RNF144A: variants seen among roughly 807,000 people sequenced by gnomAD.
The protein encoded by RNF144A is E3 ubiquitin-protein ligase RNF144A.
A neutral mutation model predicts 38.7 loss-of-function variants in RNF144A; 11 were observed. The ratio of observed to expected loss-of-function variants is 0.28; its 90% CI spans 0.18 to 0.47. The LOEUF (loss-of-function observed/expected upper bound fraction) is 0.47, where lower values mean the gene tolerates loss of function less well. Ranked by LOEUF, RNF144A falls within the 20% of genes least tolerant of loss-of-function variation. The pLI is 0.99. For synonymous variants in RNF144A, 149 were observed against 143.9 expected, an observed-to-expected ratio of 1.04 and a Z score of -0.25; for missense variants, 316 against 377.2, an observed-to-expected ratio of 0.84 and a Z score of 1.34.
intron 2 of RNF144A, among the ~76,000 whole-genome samples, chr2:6,973,057 T>C (rs1469666170): frequency 6.6e-6 from 1 of 152,198 alleles, no homozygotes; most frequent in Admixed American, 6.5e-5. Context: ...TTTTCTTATC[T>C]ATGAAATGGG....
chr2:6,936,296 T>C (rs1429173470), intron 1 of RNF144A, among the ~76,000 whole-genome samples: 1 of 152,224 alleles, frequency 6.6e-6, no homozygotes, highest in Non-Finnish European at 1.5e-5. Flanking sequence ...ACTGATGGCA[T>C]ATATATACAC....
chr2:7,046,171 C>G (rs911474388), downstream of RNF144A, among the ~76,000 whole-genome samples: 2 of 152,138 alleles, frequency 1.3e-5, no homozygotes. Context: ...TGATGTGGCT[C>G]GACCACAAGA....
chr2:7,009,465 A>C (rs1394861913), intron 3 of RNF144A, among the ~76,000 whole-genome samples: 1 of 151,672 alleles, frequency 6.6e-6, no homozygotes, highest in Non-Finnish European at 1.5e-5. Context: ...GCGGGTCTAA[A>C]GGCTCGACAG....
At chr2:7,057,073 G>T (rs1202840909) in intron 6 of RNF144A, among the ~76,000 whole-genome samples, 3 of 152,188 alleles carry the variant, frequency 2.0e-5, no homozygotes, top group Non-Finnish European at 4.4e-5. Context: ...TCAACAGGAG[G>T]TGAGAAGGGA....
chr2:7,020,898 G>T, intron 6 of RNF144A: 1 of 572,388 alleles, frequency 1.7e-6, no homozygotes, highest in Non-Finnish European at 3.1e-6. Flanking sequence ...TGAGGCCCTG[G>T]AAATAGAAAG....
intron 2 of RNF144A, among the ~76,000 whole-genome samples, chr2:6,988,147 T>G (rs967670670): frequency 2.1e-4 from 32 of 152,234 alleles, no homozygotes; most frequent in Admixed American, 1.9e-3. Flanking sequence ...TAGTTTTAGA[T>G]ACAGATTTAG....
At chr2:6,947,630 T>C (rs895757680) in intron 2 of RNF144A, among the ~76,000 whole-genome samples, 26 of 152,202 alleles carry the variant, frequency 1.7e-4, no homozygotes, top group Non-Finnish European at 3.5e-4. Flanking sequence ...TTTCAGTGAT[T>C]TGTAGTTCTA....
chr2:6,922,546 C>T (rs1247413322), intron 1 of RNF144A, among the ~76,000 whole-genome samples: 3 of 151,784 alleles, frequency 2.0e-5, no homozygotes. Flanking sequence ...CTCTGGAGGG[C>T]AGAGGAGTGC....
Position 7,043,610 on chromosome 2 carries a change from T to A in RNF144A, c.*3850T>A. 1 of 985,758 alleles carries A rather than the reference T, an allele frequency of 1.0e-6. No homozygotes were observed. Among genetic ancestry groups the A allele is most frequent in the Non-Finnish European group, 1.2e-6 (1 of 829,820 alleles). 61.1% of individuals were successfully genotyped at this position (985,758 alleles called of 1,614,324 possible). ...ATGAAAATAAACAAAATGAAGGGAT[T>A]ATGACAGGTATTACCAAAAACACCA... is the stretch of plus-strand genomic sequence containing the variant. On this transcript the variant is annotated 3_prime_UTR_variant, in exon 9 of 9. Coordinates refer to ENST00000320892, the MANE Select transcript of RNF144A (RefSeq NM_014746.6).
chr2:7,018,109 A>T (rs1229319610), intron 5 of RNF144A, among the ~76,000 whole-genome samples: 1 of 152,054 alleles, frequency 6.6e-6, no homozygotes, highest in Non-Finnish European at 1.5e-5. Context: ...GCATGAAGAG[A>T]CCGAGACCCA....
At chr2:6,933,106 A>C (rs1241999353) in intron 1 of RNF144A, 1 of 152,254 alleles carries the variant, frequency 6.6e-6, no homozygotes, top group Non-Finnish European at 1.5e-5. Context: ...TGCTTTTTGA[A>C]ATACTAACTT....
the RNF144A span, among the ~76,000 whole-genome samples, chr2:7,073,843 C>CCCT: frequency 6.6e-6 from 1 of 152,260 alleles, no homozygotes; most frequent in East Asian, 1.9e-4. Context: ...TCAACCCAGG[C>CCCT]CCTCCATCTG....
Position 6,944,062 on chromosome 2 carries a change from G to A in RNF144A, c.-12+2915G>A, listed in dbSNP as rs1453188270. Reference sequence around the variant, plus strand: ...GAGGGACACAGTGAAAGAATGGCTGGAATTGGTATTGTGTGCCAGGGAGAG... The same window carrying A: ...GAGGGACACAGTGAAAGAATGGCTGAAATTGGTATTGTGTGCCAGGGAGAG... On this transcript the variant is annotated intron_variant, in intron 2 of 8. Coordinates refer to ENST00000320892, the MANE Select transcript of RNF144A (RefSeq NM_014746.6). This position sits in a 1 kb window ranked among gnomAD's most constrained non-coding sequence, Gnocchi z 4.7. Among the ~76,000 whole-genome samples, 1 of 152,148 alleles carries A rather than the reference G, an allele frequency of 6.6e-6. No homozygotes were observed. The highest frequency in any genetic ancestry group is 2.4e-5 in the African/African-American group (1 of 41,426).
intron 6 of RNF144A, among the ~76,000 whole-genome samples, chr2:7,056,018 G>A (rs1673725707): frequency 6.6e-6 from 1 of 152,148 alleles, no homozygotes; most frequent in South Asian, 2.1e-4. Flanking sequence ...CAGAAGACTA[G>A]GTAAAGGCTT....
At chr2:7,074,773 A>T in the RNF144A span, 1 of 153,942 alleles carries the variant, frequency 6.5e-6, no homozygotes, top group African/African-American at 2.4e-5. Flanking sequence ...GAAAGGAAGA[A>T]AAAAAGGAAG....
chr2:6,980,432 G>C (rs947256463), intron 2 of RNF144A, among the ~76,000 whole-genome samples: 2 of 152,264 alleles, frequency 1.3e-5, no homozygotes, highest in African/African-American at 4.8e-5. Context: ...ATTTCAAATG[G>C]GAGAACTTGG....
At chr2:7,076,009 T>A in the RNF144A span, among the ~76,000 whole-genome samples, 3 of 152,238 alleles carry the variant, frequency 2.0e-5, no homozygotes, top group East Asian at 5.8e-4. Context: ...ATAACTATAA[T>A]TATTGCATCA....
downstream of RNF144A, among the ~76,000 whole-genome samples, chr2:7,048,967 C>T (rs538450637): frequency 1.3e-5 from 2 of 152,298 alleles, no homozygotes; most frequent in East Asian, 3.9e-4. Flanking sequence ...GCAAAGCCTC[C>T]TAGTCCCTCC....
Position 6,941,113 on chromosome 2 carries a change from G to A in RNF144A, c.-46G>A, listed in dbSNP as rs1018319265. On this transcript the variant is annotated 5_prime_UTR_variant, in exon 2 of 9. Coordinates refer to ENST00000320892, the MANE Select transcript of RNF144A (RefSeq NM_014746.6). The surrounding 1 kb of genome is among the most constrained non-coding windows in gnomAD (Gnocchi z 6.5). ...GCAGGACACCAGGACCTGGCCTGAA[G>A]ACATTTCCTCTCCTCCCCTCTGGAT... The A allele has an allele frequency of 5.3e-5, 8 of 152,196 alleles. No homozygotes were observed. The highest frequency in any genetic ancestry group is 1.9e-4 in the African/African-American group (8 of 41,434). The allele number at this position is 152,196 out of a possible 1,614,324, so 9.4% of individuals were successfully genotyped here.
Sources: gnomAD v4.1 joint callset for allele counts (sites outside exome capture counted in the v4.1 genomes callset) on GRCh38, gnomAD v4.1.1 for gene constraint, Gnocchi (gnomAD v3.1) non-coding constraint, MANE v1.5 for transcripts, NCBI Gene and HGNC (gene_info 2026-07-23, HGNC 2026-07-21) for gene names.